ALCAM: variants seen among roughly 807,000 people sequenced by gnomAD.
ALCAM encodes CD166 antigen.
Under a neutral mutation model 70.9 loss-of-function variants are expected in ALCAM, and 30 were observed. The ratio of observed to expected loss-of-function variants is 0.42; its 90% CI spans 0.32 to 0.57. ALCAM has a LOEUF of 0.57. Ranked by LOEUF, ALCAM falls within the 20% of genes least tolerant of loss-of-function variation. The probability of loss-of-function intolerance (pLI) is 0.11; values close to 1 mark genes in which losing one functional copy is unlikely to be tolerated. For missense variants in ALCAM, 591 were observed against 695.1 expected (o/e 0.85, Z 1.68); for synonymous variants, 249 against 242.5 (o/e 1.03, Z -0.25).
chr3:105,403,181 A>C (rs1936134519), intron 1 of ALCAM, among the ~76,000 whole-genome samples: 1 of 152,150 alleles, frequency 6.6e-6, no homozygotes, highest in African/African-American at 2.4e-5. Flanking sequence ...TCCTGACCTT[A>C]GGTGATCCAC....
chr3:105,369,158 C>T (rs542315133), intron 1 of ALCAM, among the ~76,000 whole-genome samples: 11 of 152,216 alleles, frequency 7.2e-5, no homozygotes, highest in Non-Finnish European at 1.2e-4. Flanking sequence ...GATTAACCCC[C>T]TCGAGACTTG....
intron 15 of ALCAM, among the ~76,000 whole-genome samples, chr3:105,573,684 G>T (rs971088134): frequency 8.5e-5 from 13 of 152,136 alleles, no homozygotes; most frequent in African/African-American, 2.4e-4. Flanking sequence ...AAATAGAAGA[G>T]CCATTTGGAC....
At chr3:105,417,184 T>C (rs1208915603) in intron 1 of ALCAM, among the ~76,000 whole-genome samples, 1 of 151,882 alleles carries the variant, frequency 6.6e-6, no homozygotes, top group Non-Finnish European at 1.5e-5. Flanking sequence ...AGGAAGGCTC[T>C]TATGTCGCCT....
chr3:105,388,327 C>T (rs781325760), intron 1 of ALCAM, among the ~76,000 whole-genome samples: 16 of 151,568 alleles, frequency 1.1e-4, no homozygotes, highest in Non-Finnish European at 1.9e-4. Flanking sequence ...CATGATTCTT[C>T]ATCTCCACAG....
intron 1 of ALCAM, among the ~76,000 whole-genome samples, chr3:105,371,180 AAATT>A (rs752261503): frequency 3.9e-5 from 6 of 152,146 alleles, no homozygotes; most frequent in South Asian, 2.1e-4. Context: ...AAAAAGAAGA[AAATT>A]AATTAAATAG....
At chr3:105,563,720 G>A (rs566894985) in intron 14 of ALCAM, among the ~76,000 whole-genome samples, 2 of 104,992 alleles carry the variant, frequency 1.9e-5, no homozygotes, top group Non-Finnish European at 3.5e-5. Context: ...TCGCTCTGTC[G>A]CCCAGGCCGG....
chr3:105,480,059 A>C (rs941294720), intron 1 of ALCAM, among the ~76,000 whole-genome samples: 11 of 152,124 alleles, frequency 7.2e-5, no homozygotes, highest in Non-Finnish European at 1.6e-4. Flanking sequence ...GATGCCCCCC[A>C]AAAAACACAC....
intron 1 of ALCAM, among the ~76,000 whole-genome samples, chr3:105,451,327 G>A (rs1937422888): frequency 1.3e-5 from 2 of 151,446 alleles, no homozygotes; most frequent in African/African-American, 4.9e-5. Context: ...GGGAGGAAAG[G>A]AGGGAGGGAT....
intron 1 of ALCAM, among the ~76,000 whole-genome samples, chr3:105,392,061 G>A (rs1935835635): frequency 6.6e-6 from 1 of 151,804 alleles, no homozygotes; most frequent in Non-Finnish European, 1.5e-5. Flanking sequence ...CCAGGTTTTG[G>A]TATCACGATA....
intron 2 of ALCAM, among the ~76,000 whole-genome samples, chr3:105,522,265 A>T (rs907135724): frequency 1.3e-5 from 2 of 152,214 alleles, no homozygotes; most frequent in African/African-American, 4.8e-5. Context: ...TTGAGGCACT[A>T]TATGCTCTAA....
intron 3 of ALCAM, 105 bp downstream of exon 3, chr3:105,524,613 G>A: frequency 2.0e-6 from 3 of 1,519,248 alleles, no homozygotes; most frequent in Non-Finnish European, 2.6e-6. Context: ...TCTATAGCAG[G>A]TATCTATATA....
intron 14 of ALCAM, among the ~76,000 whole-genome samples, chr3:105,564,075 G>A (rs1454729715): frequency 1.3e-5 from 2 of 151,458 alleles, no homozygotes; most frequent in Non-Finnish European, 2.9e-5. Flanking sequence ...TTTTGGCCTA[G>A]CATGCAGTTT....
At chr3:105,538,808 A>G (rs961171081) in intron 6 of ALCAM, among the ~76,000 whole-genome samples, 2 of 152,180 alleles carry the variant, frequency 1.3e-5, no homozygotes, top group African/African-American at 4.8e-5. Flanking sequence ...AGAAAAACAA[A>G]TAAGAAATGT....
intron 11 of ALCAM, among the ~76,000 whole-genome samples, chr3:105,548,279 C>T (rs1442227907): frequency 1.3e-5 from 2 of 151,270 alleles, no homozygotes; most frequent in African/African-American, 4.8e-5. Context: ...CAGTAATTTG[C>T]CAATCTGCTT....
intron 1 of ALCAM, among the ~76,000 whole-genome samples, chr3:105,517,638 T>A (rs1167178489): frequency 6.6e-6 from 1 of 152,178 alleles, no homozygotes; most frequent in Non-Finnish European, 1.5e-5. Flanking sequence ...ATGTTCTCTC[T>A]TGTCATTCCA....
chr3:105,471,857 C>T (rs1023067539), intron 1 of ALCAM, among the ~76,000 whole-genome samples: 4 of 151,102 alleles, frequency 2.6e-5, no homozygotes, highest in Non-Finnish European at 5.9e-5. Context: ...TCATTATTAA[C>T]GCTAGTCCCC....
chr3:105,552,006 A>ATT (rs10716366), intron 12 of ALCAM, 138 bp from the exon 13 acceptor site: 1,340 of 467,228 alleles, frequency 2.9e-3, no homozygotes, highest in Middle Eastern at 7.7e-3. Flanking sequence ...ATTAAGTGTG[A>ATT]TTTTTTTTTT....
intron 1 of ALCAM, among the ~76,000 whole-genome samples, chr3:105,420,296 T>C (rs780288838): frequency 3.3e-5 from 5 of 151,632 alleles, no homozygotes; most frequent in Non-Finnish European, 7.4e-5. Context: ...ATTTTTAATA[T>C]AGAATTCTGC....
At chr3:105,506,173 A>G (rs1449519247) in intron 1 of ALCAM, among the ~76,000 whole-genome samples, 1 of 152,224 alleles carries the variant, frequency 6.6e-6, no homozygotes, top group Non-Finnish European at 1.5e-5. Flanking sequence ...CTGTTAATTA[A>G]ACATGTACTA....
Sources: gnomAD v4.1 joint callset for allele counts (sites outside exome capture counted in the v4.1 genomes callset) on GRCh38, gnomAD v4.1.1 for gene constraint, MANE v1.5 for transcripts, NCBI Gene and HGNC (gene_info 2026-07-23, HGNC 2026-07-21) for gene names.